Variants in HSD17B2 observed in about 807,000 individuals in gnomAD.
The protein encoded by HSD17B2 is 17-beta-hydroxysteroid dehydrogenase type 2.
A neutral mutation model predicts 26.9 loss-of-function variants in HSD17B2; 32 were observed. That is an observed-to-expected ratio of 1.19 (90% CI 0.90 to 1.60). The LOEUF (loss-of-function observed/expected upper bound fraction) is 1.60, where lower values mean the gene tolerates loss of function less well. Ranked by LOEUF, HSD17B2 falls within the 40% of genes most tolerant of loss-of-function variation. The pLI, the probability that HSD17B2 is intolerant of heterozygous loss-of-function variation, is 0.00. For synonymous variants in HSD17B2, 246 were observed against 186.7 expected (o/e 1.32, Z -2.59); for missense variants, 613 against 468.6 (o/e 1.31, Z -2.85).
intron 1 of HSD17B2, among the ~76,000 whole-genome samples, chr16:82,043,684 C>CAAAAAAAAAAAAAAAAAAAAAAAAAAAA (rs398030034): frequency 8.9e-5 from 2 of 22,540 alleles, no homozygotes; most frequent in African/African-American, 6.9e-4. Context: ...AACTCTGTCT[C>CAAAAAAAAAAAAAAAAAAAAAAAAAAAA]AAAAAAAAAA....
intron 3 of HSD17B2, among the ~76,000 whole-genome samples, chr16:82,087,724 A>T (rs1408119280): frequency 2.0e-5 from 3 of 152,154 alleles, no homozygotes; most frequent in Admixed American, 2.0e-4. Context: ...ACAGAAATTG[A>T]TTGGCTCTTG....
chr16:82,062,814 T>C lies in HSD17B2; in HGVS notation c.266-5356T>C, dbSNP rs80303320. On this transcript the variant is annotated intron_variant, in intron 1 of 4. Transcript: ENST00000199936. ...ACTTCTCACGAAAGCCCTGGCTTTG[T>C]TGCCAGGTTTCCGGAGTATACAATT... 9.8e-3 allele frequency among the ~76,000 whole-genome samples: 1,489 copies of C among 152,354 alleles called. 27 individuals carry two copies. The highest frequency in any genetic ancestry group is 0.034 in the African/African-American group (1,423 of 41,580).
At chr16:82,048,423 T>G (rs1640269760) in intron 1 of HSD17B2, among the ~76,000 whole-genome samples, 1 of 152,142 alleles carries the variant, frequency 6.6e-6, no homozygotes, top group African/African-American at 2.4e-5. Context: ...GGAGTCCCAG[T>G]GCAAAGGCAG....
At chr16:82,038,337 T>C (rs932079898) in intron 1 of HSD17B2, among the ~76,000 whole-genome samples, 3 of 152,140 alleles carry the variant, frequency 2.0e-5, no homozygotes, top group African/African-American at 7.2e-5. Context: ...GTGTGATGCA[T>C]TTTATTTTAT....
At chr16:82,068,117 T>A (rs1914613655) in intron 1 of HSD17B2, 53 bp from the exon 2 acceptor site, 1 of 1,436,768 alleles carries the variant, frequency 7.0e-7, no homozygotes. Context: ...GTTAAATATT[T>A]TCTCCTGTCA....
intron 1 of HSD17B2, among the ~76,000 whole-genome samples, chr16:82,052,004 T>C (rs367813319): frequency 3.6e-3 from 548 of 152,352 alleles, no homozygotes; most frequent in Non-Finnish European, 5.6e-3. Flanking sequence ...TCACCAAGGA[T>C]AGGATCACAC....
At chr16:82,040,357 T>A (rs1440646208) in intron 1 of HSD17B2, among the ~76,000 whole-genome samples, 1 of 152,212 alleles carries the variant, frequency 6.6e-6, no homozygotes, top group Non-Finnish European at 1.5e-5. Flanking sequence ...AGAAATAACA[T>A]CTCTGTGCTC....
chr16:82,059,733 G>C (rs567809333), intron 1 of HSD17B2, among the ~76,000 whole-genome samples: 2 of 152,262 alleles, frequency 1.3e-5, no homozygotes, highest in African/African-American at 4.8e-5. Context: ...GGACAGTACA[G>C]GAATGTGTTT....
chr16:82,048,853 G>A lies in HSD17B2; in HGVS notation c.265+13164G>A, dbSNP rs543473717. On this transcript the variant is annotated intron_variant, in intron 1 of 4. Transcript: ENST00000199936. ...TGTACTGCTTGTAGTCAGTAGAATA[G>A]TTATGAGAATAAAATGAAATGAGCA... Among the ~76,000 whole-genome samples, 9 of 152,318 alleles carry A rather than the reference G, an allele frequency of 5.9e-5. No individual in the cohort carries two copies. The South Asian group carries it at 1.9e-3, about 32-fold the overall frequency.
chr16:82,088,090 C>CTAA (rs905649372), intron 3 of HSD17B2, among the ~76,000 whole-genome samples: 1 of 152,146 alleles, frequency 6.6e-6, no homozygotes, highest in African/African-American at 2.4e-5. Context: ...TGACAAAACT[C>CTAA]TAATGTTCAA....
chr16:82,097,260 C>G (rs200211972), intron 4 of HSD17B2: 1,655 of 75,080 alleles, frequency 0.022, 7 homozygotes, highest in Middle Eastern at 0.029. Context: ...ATGTCTATGT[C>G]TATGTCTATG....
chr16:82,046,580 G>A (rs913581088), intron 1 of HSD17B2, among the ~76,000 whole-genome samples: 7 of 151,898 alleles, frequency 4.6e-5, no homozygotes, highest in South Asian at 2.1e-4. Context: ...AAAATTAGAC[G>A]GGCATGGTGG....
chr16:82,070,878 A>T lies in HSD17B2; in HGVS notation c.479-64A>T, dbSNP rs1567587273. 6 of 1,441,204 alleles carry T rather than the reference A, an allele frequency of 4.2e-6. No individual in the cohort carries two copies. In the Admixed American group the frequency reaches 1.1e-4, roughly 26 times the overall value. The allele number at this position is 1,441,204 out of a possible 1,614,324, so 89.3% of individuals were successfully genotyped here. ...ACACCTCTTGCATGGTCTTCCAGGT[A>T]TTGCAGGTTGTGTTATTCACTTCCT... On this transcript the variant is annotated intron_variant, in intron 2 of 4. Coordinates refer to ENST00000199936, the MANE Select transcript of HSD17B2 (RefSeq NM_002153.3).
intron 1 of HSD17B2, among the ~76,000 whole-genome samples, chr16:82,058,801 A>C (rs1251552604): frequency 1.3e-5 from 2 of 152,216 alleles, no homozygotes; most frequent in African/African-American, 4.8e-5. Context: ...ATTTAAAAGA[A>C]AAAATCTGAT....
intron 1 of HSD17B2, 24 bp from the exon 2 acceptor site, chr16:82,068,146 C>A (rs771409165): frequency 1.9e-6 from 3 of 1,605,692 alleles, no homozygotes; most frequent in African/African-American, 2.7e-5. Context: ...TGACCTCACT[C>A]CCTACTCCCC....
chr16:82,058,065 T>C (rs1183799713), intron 1 of HSD17B2, among the ~76,000 whole-genome samples: 3 of 150,992 alleles, frequency 2.0e-5, no homozygotes, highest in East Asian at 1.9e-4. Flanking sequence ...ATTGTTGTTG[T>C]TGTTAATTTT....
chr16:82,097,524 G>A (rs1904886380), intron 4 of HSD17B2: 1 of 151,864 alleles, frequency 6.6e-6, no homozygotes, highest in Non-Finnish European at 1.5e-5. Flanking sequence ...GACTTGTTTT[G>A]TTCTTGATCT....
intron 1 of HSD17B2, among the ~76,000 whole-genome samples, chr16:82,055,682 C>T (rs16956326): frequency 0.05 from 7,676 of 152,294 alleles, 670 homozygotes; most frequent in African/African-American, 0.17. Flanking sequence ...ACTGTATCCA[C>T]CATCTATCAG....
At chr16:82,059,726 C>T (rs574076240) in intron 1 of HSD17B2, among the ~76,000 whole-genome samples, 1 of 152,088 alleles carries the variant, frequency 6.6e-6, no homozygotes, top group East Asian at 1.9e-4. Context: ...GGCACCGGGA[C>T]AGTACAGGAA....
Sources: allele counts gnomAD v4.1 joint callset (sites outside exome capture counted in the v4.1 genomes callset), GRCh38; gene constraint gnomAD v4.1.1; transcripts MANE v1.5; gene names NCBI Gene and HGNC (gene_info 2026-07-23, HGNC 2026-07-21).